Variants in RAPGEF4 observed in about 807,000 individuals in gnomAD.
The protein encoded by RAPGEF4 is RAP guanine-nucleotide-exchange factor (GEF) 4.
Under a neutral mutation model 147.9 loss-of-function variants are expected in RAPGEF4, and 66 were observed. The ratio of observed to expected loss-of-function variants is 0.45; its 90% CI spans 0.37 to 0.55. RAPGEF4 has a LOEUF of 0.55. Ranked by LOEUF, RAPGEF4 falls within the 20% of genes least tolerant of loss-of-function variation. RAPGEF4 has a pLI of 0.00. For missense variants in RAPGEF4, 1,071 were observed against 1,257.3 expected (o/e 0.85, Z 2.24); for synonymous variants, 419 against 442.7 (o/e 0.95, Z 0.67).
chr2:172,979,547 G>C (rs1301295966), intron 10 of RAPGEF4, among the ~76,000 whole-genome samples: 1 of 152,236 alleles, frequency 6.6e-6, no homozygotes, highest in African/African-American at 2.4e-5. Context: ...CAACTAGGAA[G>C]TTCATGATTT....
At chr2:172,993,563 C>T (rs968749651) in intron 15 of RAPGEF4, among the ~76,000 whole-genome samples, 1 of 152,156 alleles carries the variant, frequency 6.6e-6, no homozygotes, top group African/African-American at 2.4e-5. Context: ...GGACTAGAGT[C>T]GCTCTTTCAT....
rs79790677 is a variant in RAPGEF4, at chr2:172,805,224, C to T, written c.297+7611C>T. 1.5e-3 allele frequency among the ~76,000 whole-genome samples: 222 copies of T among 152,224 alleles called. 4 individuals are homozygous for T. In the East Asian group the frequency reaches 0.021, roughly 14 times the overall value. ...TGGAGGGGAGACAATGGTCCCTGGA[C>T]GGGAGGGACGGTGGACTCTGTCTGC... On this transcript the variant is annotated intron_variant, in intron 3 of 30. Transcript: ENST00000397081.
intron 4 of RAPGEF4, chr2:172,821,922 A>C (rs758796246): frequency 6.2e-7 from 1 of 1,613,542 alleles, no homozygotes; most frequent in Admixed American, 1.7e-5. Context: ...ATAGATGCTC[A>C]CTGGATGTCT....
intron 1 of RAPGEF4, among the ~76,000 whole-genome samples, chr2:172,777,777 G>A (rs1467038881): frequency 1.3e-5 from 2 of 152,106 alleles, no homozygotes; most frequent in African/African-American, 4.8e-5. Context: ...ATATCAAGGC[G>A]ATTGTGTAGA....
At chr2:172,973,325 C>T (rs1170828753) in intron 10 of RAPGEF4, among the ~76,000 whole-genome samples, 3 of 151,938 alleles carry the variant, frequency 2.0e-5, no homozygotes, top group Non-Finnish European at 4.4e-5. Flanking sequence ...ATTGCCTAGG[C>T]TGGTCTTGAA....
At chr2:172,867,179 G>A (rs1306821835) in intron 4 of RAPGEF4, among the ~76,000 whole-genome samples, 2 of 151,910 alleles carry the variant, frequency 1.3e-5, no homozygotes, top group Non-Finnish European at 2.9e-5. Context: ...TGCCATGTTG[G>A]CCAGGCTGGT....
chr2:172,892,082 TGC>T (rs993392154), intron 4 of RAPGEF4, among the ~76,000 whole-genome samples: 5 of 152,114 alleles, frequency 3.3e-5, no homozygotes, highest in African/African-American at 9.7e-5. Context: ...CTCAGCCCTT[TGC>T]CCTGTGAATG....
chr2:172,808,331 A>G (rs555210255), intron 3 of RAPGEF4, among the ~76,000 whole-genome samples: 2 of 152,378 alleles, frequency 1.3e-5, no homozygotes, highest in African/African-American at 4.8e-5. Flanking sequence ...TCTTTGATTT[A>G]CAGCACGGTT....
At chr2:172,965,511 C>CT in intron 8 of RAPGEF4, 51 bp from the exon 9 acceptor site, 1 of 1,583,516 alleles carries the variant, frequency 6.3e-7, no homozygotes, top group Non-Finnish European at 8.7e-7. Context: ...CTCCCATCCT[C>CT]TATCTGAAAA....
intron 6 of RAPGEF4, among the ~76,000 whole-genome samples, chr2:172,939,463 T>C (rs542080901): frequency 2.0e-5 from 3 of 152,330 alleles, no homozygotes; most frequent in South Asian, 4.1e-4. Context: ...TGTTGAGGTG[T>C]CTTTTGCCCA....
chr2:172,902,269 T>A (rs955125598), intron 4 of RAPGEF4, among the ~76,000 whole-genome samples: 2 of 151,828 alleles, frequency 1.3e-5, no homozygotes, highest in Non-Finnish European at 2.9e-5. Flanking sequence ...AGAGCTGGGA[T>A]TGGAGCCCAT....
chr2:172,989,449 A>G (rs1463561032), intron 14 of RAPGEF4, among the ~76,000 whole-genome samples: 1 of 152,170 alleles, frequency 6.6e-6, no homozygotes, highest in Admixed American at 6.6e-5. Flanking sequence ...AGGCAGGTGA[A>G]TAACTGGGGT....
At chr2:172,747,311 A>G (rs958148408) in intron 1 of RAPGEF4, among the ~76,000 whole-genome samples, 7 of 152,240 alleles carry the variant, frequency 4.6e-5, no homozygotes, top group African/African-American at 1.7e-4. Context: ...GCTAATTAAC[A>G]TATTCATCAC....
chr2:172,918,971 G>A (rs931062032), intron 5 of RAPGEF4, among the ~76,000 whole-genome samples: 2 of 151,998 alleles, frequency 1.3e-5, no homozygotes, highest in African/African-American at 4.8e-5. Flanking sequence ...TTTCCTCCCC[G>A]CATTTCACTA....
chr2:172,876,490 G>A (rs903172631), intron 4 of RAPGEF4, among the ~76,000 whole-genome samples: 1 of 152,112 alleles, frequency 6.6e-6, no homozygotes, highest in Non-Finnish European at 1.5e-5. Flanking sequence ...GGCCTTTTCT[G>A]CATCTATTGA....
At chr2:172,785,333 A>T (rs1337870345) in intron 1 of RAPGEF4, among the ~76,000 whole-genome samples, 6 of 152,232 alleles carry the variant, frequency 3.9e-5, no homozygotes, top group Non-Finnish European at 7.3e-5. Context: ...GAAAAATTTT[A>T]GTATATGTTT....
At chr2:172,757,690 T>C (rs1442574651) in intron 1 of RAPGEF4, among the ~76,000 whole-genome samples, 5 of 152,224 alleles carry the variant, frequency 3.3e-5, no homozygotes, top group African/African-American at 4.8e-5. Context: ...TTTTTGGTAT[T>C]TGGGGCCTTG....
At chr2:172,988,076 G>A (rs1692457784) in intron 12 of RAPGEF4, 120 bp from the exon 13 acceptor site, 1 of 1,364,476 alleles carries the variant, frequency 7.3e-7, no homozygotes, top group Non-Finnish European at 9.5e-7. Flanking sequence ...TGCCAGTGAT[G>A]TTTCTCGAAT....
rs758800001 is a variant in RAPGEF4 at position 172,780,593 on chromosome 2, G to A, written c.66-14432G>A. On this transcript the variant is annotated intron_variant, in intron 1 of 30. Transcript: ENST00000397081. Reference sequence around the variant, plus strand: ...GGGCAGAGAGCTTTTTTTTGGTTCCGCTTCTCAGTTGCCTTTAGCTCAAAA... The same window carrying A: ...GGGCAGAGAGCTTTTTTTTGGTTCCACTTCTCAGTTGCCTTTAGCTCAAAA... Among the ~76,000 whole-genome samples the A allele has an allele frequency of 7.2e-5, 11 of 152,084 alleles. 1 individual carries two copies. The highest frequency in any genetic ancestry group is 5.9e-4 in the Admixed American group (9 of 15,280).
Sources: gnomAD v4.1 joint callset for allele counts (sites outside exome capture counted in the v4.1 genomes callset) on GRCh38, gnomAD v4.1.1 for gene constraint, MANE v1.5 for transcripts, NCBI Gene and HGNC (gene_info 2026-07-23, HGNC 2026-07-21) for gene names.